Variants in COL19A1 observed in about 807,000 individuals in gnomAD.
COL19A1 encodes the protein collagen type XIX alpha 1 chain.
Under a neutral mutation model 190.2 loss-of-function variants are expected in COL19A1, and 159 were observed. The observed-to-expected ratio is 0.84, with a 90% CI of 0.73 to 0.95. COL19A1 has a LOEUF of 0.95. Among genes scored for constraint, COL19A1 ranks in the 40% least tolerant of loss-of-function variants. COL19A1 has a pLI of 0.00. For synonymous variants in COL19A1, 509 were observed against 458.9 expected (o/e 1.11, Z -1.39); for missense variants, 1,418 against 1,431.9 (o/e 0.99, Z 0.16).
chr6:70,170,060 G>A (rs1365831525), intron 40 of COL19A1, among the ~76,000 whole-genome samples: 1 of 152,140 alleles, frequency 6.6e-6, no homozygotes, highest in Non-Finnish European at 1.5e-5. Context: ...TACAACAAAG[G>A]ATGAAGAATA....
In COL19A1 at chr6:70,110,466, A is replaced by G. The variant is rs550551714; in HGVS notation, c.1278+8244A>G. Among the ~76,000 whole-genome samples the G allele has an allele frequency of 4.6e-5, 7 of 152,328 alleles. No individual in the cohort carries two copies. In the East Asian group the frequency reaches 1.4e-3, roughly 29 times the overall value. On this transcript the variant is annotated intron_variant, in intron 16 of 50. Coordinates refer to ENST00000620364, the MANE Select transcript of COL19A1 (RefSeq NM_001858.6). The stretch of plus-strand genomic sequence containing the variant: ...AGTAAGATGACACTTTCTCAGATTT[A>G]AAAATATAGACACATAAGACCTATA...
chr6:70,162,946 T>C (rs963613814), intron 35 of COL19A1, among the ~76,000 whole-genome samples: 1 of 152,208 alleles, frequency 6.6e-6, no homozygotes, highest in Admixed American at 6.5e-5. Context: ...ATGCAGATCA[T>C]AGAACTCAAT....
At chr6:69,968,858 A>C (rs1775263962) in intron 11 of COL19A1, among the ~76,000 whole-genome samples, 1 of 152,166 alleles carries the variant, frequency 6.6e-6, no homozygotes, top group Admixed American at 6.6e-5. Flanking sequence ...TAGATCACTC[A>C]ACAAGGAATC....
intron 14 of COL19A1, among the ~76,000 whole-genome samples, chr6:70,057,610 C>T (rs1451529704): frequency 6.6e-6 from 1 of 151,798 alleles, no homozygotes; most frequent in African/African-American, 2.4e-5. Context: ...GTTGTTTTTT[C>T]AGAAAATAAG....
At chr6:69,912,096 G>T (rs1770965663) in intron 4 of COL19A1, among the ~76,000 whole-genome samples, 4 of 152,042 alleles carry the variant, frequency 2.6e-5, no homozygotes, top group African/African-American at 9.7e-5. Flanking sequence ...ACCCATTTCT[G>T]TCTCTCTCTG....
chr6:70,108,461 A>G (rs2150195662), intron 16 of COL19A1, among the ~76,000 whole-genome samples: 1 of 152,270 alleles, frequency 6.6e-6, no homozygotes, highest in South Asian at 2.1e-4. Flanking sequence ...TTTCCATAGG[A>G]AAAGCTCTAG....
At chr6:69,867,170 G>A (rs191337701) in intron 1 of COL19A1, among the ~76,000 whole-genome samples, 12 of 152,044 alleles carry the variant, frequency 7.9e-5, no homozygotes, top group African/African-American at 2.9e-4. Flanking sequence ...AGAGACGCGG[G>A]GTTCCGGTGC....
At position 70,209,510 on chromosome 6, in the gene COL19A1, A is replaced by G. The variant is rs531884049; in HGVS notation, c.*2236A>G. On this transcript the variant is annotated 3_prime_UTR_variant, in exon 51 of 51. Coordinates refer to ENST00000620364, the MANE Select transcript of COL19A1 (RefSeq NM_001858.6). ...TCTGTTCATTTTTATTCTACAAAAT[A>G]TGTCATGCATTCTTTCTTATGAATT... is the stretch of plus-strand genomic sequence containing the variant. The G allele has an allele frequency of 1.3e-5, 2 of 152,334 alleles. No individual in the cohort carries two copies. Among genetic ancestry groups the G allele is most frequent in the East Asian group, 3.9e-4 (2 of 5,190 alleles). 9.4% of individuals were successfully genotyped at this position (152,334 alleles called of 1,614,324 possible). A position where few individuals can be genotyped will look rare whatever the true frequency, so the allele number is the denominator to read the frequency against.
intron 12 of COL19A1, among the ~76,000 whole-genome samples, chr6:70,024,582 CGT>C (rs71536487): frequency 0.55 from 79,480 of 143,240 alleles, 21,276 homozygotes; most frequent in South Asian, 0.68. Flanking sequence ...TGGAGAAAGT[CGT>C]GTGTGTGTGT....
intron 14 of COL19A1, 69 bp downstream of exon 14, chr6:70,036,008 T>C (rs1779335200): frequency 3.5e-6 from 5 of 1,412,184 alleles, no homozygotes; most frequent in Non-Finnish European, 5.0e-6. Flanking sequence ...TATTACATCA[T>C]GACTAAACCA....
chr6:70,131,296 G>A (rs777646911), intron 18 of COL19A1: 64 of 205,160 alleles, frequency 3.1e-4, no homozygotes, highest in Non-Finnish European at 4.6e-4. Context: ...TGAGGGCAGG[G>A]GATTTTGACA....
In COL19A1 at chr6:70,180,536, T is replaced by C. The variant is rs764241344; in HGVS notation, c.2775+13T>C. The C allele has an allele frequency of 1.2e-5, 20 of 1,613,424 alleles. No homozygotes were observed. The highest frequency in any genetic ancestry group is 1.5e-5 in the Non-Finnish European group (18 of 1,179,512). ...CTCAGGAAAGCCAGTAAGTACTTCT[T>C]ACTACTTAAAATATGCCACCTAGAG... is the stretch of plus-strand genomic sequence containing the variant. On this transcript the variant is annotated intron_variant, in intron 44 of 50. Coordinates refer to ENST00000620364, the MANE Select transcript of COL19A1 (RefSeq NM_001858.6).
chr6:69,968,965 C>T (rs1212485492), intron 11 of COL19A1, among the ~76,000 whole-genome samples: 1 of 152,182 alleles, frequency 6.6e-6, no homozygotes, highest in Non-Finnish European at 1.5e-5. Flanking sequence ...AATGGATTCA[C>T]ATATTTTTGT....
intron 17 of COL19A1, among the ~76,000 whole-genome samples, chr6:70,126,014 G>A (rs1785171877): frequency 6.6e-6 from 1 of 152,082 alleles, no homozygotes; most frequent in African/African-American, 2.4e-5. Flanking sequence ...TTTTATATTT[G>A]ATGTTGTTTT....
At chr6:70,107,737 A>C (rs765326376) in intron 16 of COL19A1, among the ~76,000 whole-genome samples, 1 of 152,204 alleles carries the variant, frequency 6.6e-6, no homozygotes, top group Non-Finnish European at 1.5e-5. Context: ...CGTCATGAAG[A>C]GATCCAAAAG....
intron 19 of COL19A1, among the ~76,000 whole-genome samples, chr6:70,139,283 G>C (rs1786087093): frequency 6.6e-6 from 1 of 152,076 alleles, no homozygotes; most frequent in Non-Finnish European, 1.5e-5. Flanking sequence ...TAAGCAGCAA[G>C]GGTTGAAGGA....
intron 12 of COL19A1, among the ~76,000 whole-genome samples, chr6:70,030,407 A>G (rs893604747): frequency 2.0e-5 from 3 of 152,178 alleles, no homozygotes; most frequent in Non-Finnish European, 2.9e-5. Flanking sequence ...CAATGTGAGA[A>G]CTAAGACGTC....
At chr6:69,972,389 A>C (rs939851506) in intron 11 of COL19A1, among the ~76,000 whole-genome samples, 2 of 152,106 alleles carry the variant, frequency 1.3e-5, no homozygotes, top group Non-Finnish European at 1.5e-5. Flanking sequence ...TCAAGAAAAC[A>C]ACGACCATGT....
At chr6:70,081,710 C>A (rs945620416) in intron 15 of COL19A1, among the ~76,000 whole-genome samples, 2 of 152,044 alleles carry the variant, frequency 1.3e-5, no homozygotes, top group African/African-American at 4.8e-5. Flanking sequence ...AATGACCATG[C>A]ATGCTGAGGT....
Sources: allele counts gnomAD v4.1 joint callset (sites outside exome capture counted in the v4.1 genomes callset), GRCh38; gene constraint gnomAD v4.1.1; transcripts MANE v1.5; gene names NCBI Gene and HGNC (gene_info 2026-07-23, HGNC 2026-07-21).